The following OR9Q1 variants were observed in gnomAD, a reference collection of about 807,000 sequenced individuals.
The protein encoded by OR9Q1 is olfactory receptor 9Q1.
For synonymous variants in OR9Q1, 153 were observed against 148.6 expected (o/e 1.03, Z -0.22); for missense variants, 374 against 378.8 (o/e 0.99, Z 0.11).
chr11:58,151,809 C>T (rs1854355503), intron 2 of OR9Q1, among the ~76,000 whole-genome samples: 1 of 152,020 alleles, frequency 6.6e-6, no homozygotes, highest in Admixed American at 6.6e-5. Flanking sequence ...CAGAATTACC[C>T]CAGGCTTAAT....
At chr11:58,109,353 G>A (rs1314640622) in intron 2 of OR9Q1, 1 of 459,594 alleles carries the variant, frequency 2.2e-6, no homozygotes, top group African/African-American at 2.0e-5. Context: ...ATATGGTGAA[G>A]AAAGAGAACT....
chr11:58,131,056 G>C (rs1854136292), intron 2 of OR9Q1, among the ~76,000 whole-genome samples: 1 of 152,152 alleles, frequency 6.6e-6, no homozygotes, highest in Non-Finnish European at 1.5e-5. Context: ...GAGGAGCCTG[G>C]AGTTTGAATG....
rs1442441504 is a variant in OR9Q1, at chr11:58,180,292, T to C, written c.848T>C (p.Met283Thr). 4 of 1,613,744 alleles carry C rather than the reference T, an allele frequency of 2.5e-6. No homozygotes were observed. The highest frequency in any genetic ancestry group is 2.7e-5 in the African/African-American group (2 of 74,920). ...GTGCTTTACACAGAGGTCATCCCCA[T>C]GTTGAATCCCCTCATCTACAGCCTG... ...VSVLYTEVIP[M>T]LNPLIYSLRN... is the part of the protein sequence containing the mutation. The change falls in exon 3 of 3, where the codon ATG becomes ACG. Residue 283 changes from methionine to threonine, a missense_variant. Met to Thr is a moderately conservative substitution (Grantham distance 81). Coordinates refer to ENST00000335397, the MANE Select transcript of OR9Q1 (RefSeq NM_001005212.4).
At chr11:58,128,049 T>C (rs945974933) in intron 2 of OR9Q1, among the ~76,000 whole-genome samples, 2 of 152,128 alleles carry the variant, frequency 1.3e-5, no homozygotes, top group Non-Finnish European at 2.9e-5. Flanking sequence ...ATTCATGGTT[T>C]TGTATGTTTG....
At chr11:58,088,731 T>C (rs993774179) in intron 2 of OR9Q1, among the ~76,000 whole-genome samples, 7 of 151,902 alleles carry the variant, frequency 4.6e-5, no homozygotes, top group Non-Finnish European at 8.8e-5. Flanking sequence ...CAGACTTTTG[T>C]CAGAAGGGTA....
At chr11:58,094,823 T>C (rs1256606888) in intron 2 of OR9Q1, among the ~76,000 whole-genome samples, 1 of 152,222 alleles carries the variant, frequency 6.6e-6, no homozygotes, top group Non-Finnish European at 1.5e-5. Flanking sequence ...ACACACCTGC[T>C]ATAGTTGTGT....
chr11:58,071,492 A>T (rs2120020018), intron 2 of OR9Q1, among the ~76,000 whole-genome samples: 1 of 152,016 alleles, frequency 6.6e-6, no homozygotes, highest in East Asian at 1.9e-4. Flanking sequence ...AAAAAAAAAT[A>T]AAATAAAAAT....
intron 2 of OR9Q1, among the ~76,000 whole-genome samples, chr11:58,142,610 C>T (rs1854261285): frequency 6.6e-6 from 1 of 152,134 alleles, no homozygotes; most frequent in Admixed American, 6.6e-5. Flanking sequence ...TATCTAAAGT[C>T]CTATGAGATC....
chr11:58,175,665 T>C (rs114449520), intron 2 of OR9Q1, among the ~76,000 whole-genome samples: 60 of 152,226 alleles, frequency 3.9e-4, no homozygotes, highest in African/African-American at 1.3e-3. Flanking sequence ...TAGGTAGGCA[T>C]TGTGGTTTTT....
At chr11:58,158,421 C>CTTTTTTTTTTTTTTTT (rs10600970) in intron 2 of OR9Q1, among the ~76,000 whole-genome samples, 1 of 133,734 alleles carries the variant, frequency 7.5e-6, no homozygotes, top group Non-Finnish European at 1.6e-5. Flanking sequence ...CCTAGGTCTG[C>CTTTTTTTTTTTTTTTT]TTTTTTTTTT....
chr11:58,172,050 A>G (rs1478890677), intron 2 of OR9Q1, among the ~76,000 whole-genome samples: 2 of 152,222 alleles, frequency 1.3e-5, no homozygotes, highest in Non-Finnish European at 2.9e-5. Flanking sequence ...TGAAAAGCTA[A>G]TGAGGAGACA....
At chr11:58,083,246 G>A (rs1266905045) in intron 2 of OR9Q1, among the ~76,000 whole-genome samples, 1 of 151,904 alleles carries the variant, frequency 6.6e-6, no homozygotes, top group Non-Finnish European at 1.5e-5. Context: ...AGTTTTCCCA[G>A]CACCATTTAT....
intron 2 of OR9Q1, among the ~76,000 whole-genome samples, chr11:58,099,584 C>G (rs939549059): frequency 6.6e-6 from 1 of 152,044 alleles, no homozygotes; most frequent in Non-Finnish European, 1.5e-5. Context: ...CTTTTATTTT[C>G]AACCCATTTG....
intron 1 of OR9Q1, among the ~76,000 whole-genome samples, chr11:58,025,442 C>G (rs1158304714): frequency 2.6e-5 from 4 of 152,202 alleles, no homozygotes; most frequent in Non-Finnish European, 4.4e-5. Context: ...CCTTGTGATC[C>G]GCCCGCTCAG....
Position 58,035,675 on chromosome 11 carries a change from C to T in OR9Q1, c.-93+11571C>T, listed in dbSNP as rs552636959. ...AATGAGCATATTGCAATATGGTGCC[C>T]CTCATTGTCACAGTCTCCCTGAATA... On this transcript the variant is annotated intron_variant, in intron 1 of 2. Transcript: ENST00000335397. Among the ~76,000 whole-genome samples, 16 of 152,198 alleles carry T rather than the reference C, an allele frequency of 1.1e-4. No individual in the cohort carries two copies. The South Asian group carries it at 2.3e-3, about 22-fold the overall frequency.
At chr11:58,104,059 T>A (rs543506131) in intron 2 of OR9Q1, among the ~76,000 whole-genome samples, 5 of 152,216 alleles carry the variant, frequency 3.3e-5, no homozygotes, top group Non-Finnish European at 5.9e-5. Context: ...CAGGCCAGAT[T>A]TCATTCAAAC....
chr11:58,115,882 T>C (rs1274629771), intron 2 of OR9Q1, among the ~76,000 whole-genome samples: 2 of 152,226 alleles, frequency 1.3e-5, no homozygotes, highest in African/African-American at 4.8e-5. Flanking sequence ...GAAGTTCCTA[T>C]GAAGTTCTCC....
At chr11:58,031,323 A>G (rs768246189) in intron 1 of OR9Q1, 88 of 1,613,936 alleles carry the variant, frequency 5.5e-5, no homozygotes, top group Non-Finnish European at 6.9e-5. Flanking sequence ...GCCATGGCCT[A>G]TGATCGTTAT....
chr11:58,037,337 T>G (rs1476010919), intron 1 of OR9Q1, among the ~76,000 whole-genome samples: 1 of 152,116 alleles, frequency 6.6e-6, no homozygotes, highest in African/African-American at 2.4e-5. Context: ...AAAATTTGTG[T>G]GAGAGCTTGC....
Sources: allele counts gnomAD v4.1 joint callset (sites outside exome capture counted in the v4.1 genomes callset), GRCh38; gene constraint gnomAD v4.1.1; transcripts MANE v1.5; gene names NCBI Gene and HGNC (gene_info 2026-07-23, HGNC 2026-07-21).